Variants in TSHZ3 observed in about 807,000 individuals in gnomAD.
The protein encoded by TSHZ3 is teashirt zinc finger homeobox 3, also known as teashirt homolog 3.
TSHZ3 carries 10 observed loss-of-function variants against 64.5 expected under a neutral mutation model. The observed-to-expected ratio is 0.16, with a 90% CI of 0.10 to 0.26. The LOEUF (loss-of-function observed/expected upper bound fraction) is 0.26. TSHZ3 is among the 10% of genes least tolerant of loss of function. TSHZ3 has a pLI of 1.00. For missense variants in TSHZ3, 1,242 were observed against 1,421.7 expected (o/e 0.87, Z 2.03); for synonymous variants, 608 against 593.1 (o/e 1.03, Z -0.36).
At chr19:31,335,622 C>T (rs1371959679) in intron 1 of TSHZ3, among the ~76,000 whole-genome samples, 1 of 152,206 alleles carries the variant, frequency 6.6e-6, no homozygotes, top group Non-Finnish European at 1.5e-5. Flanking sequence ...AAGGAGATTC[C>T]GGCTCAAGAA....
intron 6 of TSHZ3, among the ~76,000 whole-genome samples, chr19:31,153,694 C>T (rs1217918600): frequency 1.3e-5 from 2 of 152,122 alleles, no homozygotes; most frequent in Admixed American, 6.6e-5. Context: ...TATGGTAATG[C>T]GGGCCTAAAA....
chr19:31,345,409 G>C (rs561530546), intron 1 of TSHZ3, among the ~76,000 whole-genome samples: 1 of 152,200 alleles, frequency 6.6e-6, no homozygotes, highest in Non-Finnish European at 1.5e-5. Flanking sequence ...GACTTAGGAA[G>C]GTGTCATCTG....
chr19:31,323,098 A>G (rs1024877382), intron 1 of TSHZ3, among the ~76,000 whole-genome samples: 4 of 152,344 alleles, frequency 2.6e-5, no homozygotes, highest in Admixed American at 2.0e-4. Flanking sequence ...ACATTGGGTC[A>G]AGAGCATTTC....
At chr19:31,218,791 G>A (rs1975364202) in intron 4 of TSHZ3, among the ~76,000 whole-genome samples, 1 of 152,176 alleles carries the variant, frequency 6.6e-6, no homozygotes, top group Non-Finnish European at 1.5e-5. Flanking sequence ...TTGGGGTGGG[G>A]GAAGCCAGTG....
At chr19:31,322,787 A>G (rs1372778667) in intron 1 of TSHZ3, among the ~76,000 whole-genome samples, 1 of 152,232 alleles carries the variant, frequency 6.6e-6, no homozygotes, top group East Asian at 1.9e-4. Context: ...TAAAGGAATG[A>G]GTGAATGAAT....
intron 5 of TSHZ3, among the ~76,000 whole-genome samples, chr19:31,203,758 C>T (rs1444121358): frequency 6.6e-6 from 1 of 151,862 alleles, no homozygotes; most frequent in Non-Finnish European, 1.5e-5. Flanking sequence ...TTCCTTCTGC[C>T]CTTCCTTCCT....
At chr19:31,251,612 G>A (rs572537955) in intron 1 of TSHZ3, among the ~76,000 whole-genome samples, 2 of 152,234 alleles carry the variant, frequency 1.3e-5, no homozygotes, top group South Asian at 2.1e-4. Flanking sequence ...CTCTCCCCAC[G>A]CCTCCCAACC....
intron 1 of TSHZ3, among the ~76,000 whole-genome samples, chr19:31,338,011 C>A (rs1394647586): frequency 6.6e-6 from 1 of 152,176 alleles, no homozygotes; most frequent in Non-Finnish European, 1.5e-5. Context: ...CATTAGCAAC[C>A]CCAAATAAAG....
At chr19:31,169,193 A>G (rs1487024288) in intron 5 of TSHZ3, among the ~76,000 whole-genome samples, 1 of 152,164 alleles carries the variant, frequency 6.6e-6, no homozygotes, top group Non-Finnish European at 1.5e-5. Flanking sequence ...GTGGGAATGT[A>G]AAATAGTGCA....
intron 1 of TSHZ3, among the ~76,000 whole-genome samples, chr19:31,295,047 C>G (rs1976639893): frequency 6.6e-6 from 1 of 152,190 alleles, no homozygotes; most frequent in Admixed American, 6.5e-5. Context: ...AAAAACCCCT[C>G]TATGATTAAG....
At chr19:31,215,294 AAATGAATTT>A (rs1975311662) in intron 4 of TSHZ3, among the ~76,000 whole-genome samples, 1 of 152,230 alleles carries the variant, frequency 6.6e-6, no homozygotes, top group African/African-American at 2.4e-5. Context: ...TAAATCACAC[AAATGAATTT>A]AATGAAAACA....
intron 1 of TSHZ3, among the ~76,000 whole-genome samples, chr19:31,246,887 G>A (rs2145188433): frequency 1.3e-5 from 2 of 152,020 alleles, no homozygotes; most frequent in Middle Eastern, 6.8e-3. Context: ...GAATAACAGG[G>A]ACATATCAAA....
rs187949884 is a variant in TSHZ3, at chr19:31,218,472, C to A, written n.686+9533G>T. 2.4e-3 allele frequency among the ~76,000 whole-genome samples: 364 copies of A among 152,278 alleles called. 8 individuals are homozygous for A. Among genetic ancestry groups the A allele is most frequent in the Admixed American group, 0.022 (341 of 15,290 alleles). Reference sequence around the variant, plus strand: ...TTGGTAGAAATGCAAAATGGAACAGCCACTTTGGAAGACAATTTGGGGGTT... The same window carrying A: ...TTGGTAGAAATGCAAAATGGAACAGACACTTTGGAAGACAATTTGGGGGTT... On this transcript the variant is annotated intron_variant and non_coding_transcript_variant, in intron 4 of 6. Transcript: ENST00000651361.
upstream of TSHZ3, among the ~76,000 whole-genome samples, chr19:31,349,813 G>T (rs1437337135): frequency 6.7e-6 from 1 of 148,354 alleles, no homozygotes; most frequent in African/African-American, 2.5e-5. Flanking sequence ...TCTTCTGCCC[G>T]TGGCGCGGCT....
chr19:31,280,519 C>A (rs536961572), intron 1 of TSHZ3, among the ~76,000 whole-genome samples: 9 of 152,212 alleles, frequency 5.9e-5, no homozygotes, highest in African/African-American at 1.9e-4. Context: ...CCTGTGCACA[C>A]ACACTCTCCA....
At chr19:31,336,718 G>A (rs541723103) in intron 1 of TSHZ3, among the ~76,000 whole-genome samples, 28 of 152,180 alleles carry the variant, frequency 1.8e-4, no homozygotes, top group African/African-American at 4.1e-4. Flanking sequence ...GAACAGATGC[G>A]GGGCACCAGT....
At chr19:31,294,288 A>T (rs1210298236) in intron 1 of TSHZ3, among the ~76,000 whole-genome samples, 1 of 152,098 alleles carries the variant, frequency 6.6e-6, no homozygotes, top group Non-Finnish European at 1.5e-5. Context: ...GCGAATTCTC[A>T]TCCAGGACTC....
intron 1 of TSHZ3, among the ~76,000 whole-genome samples, chr19:31,291,367 C>T (rs1199179636): frequency 2.0e-5 from 3 of 152,180 alleles, no homozygotes; most frequent in Non-Finnish European, 2.9e-5. Context: ...ATTGTACCAC[C>T]GTCTAGCAGC....
intron 3 of TSHZ3, among the ~76,000 whole-genome samples, chr19:31,241,727 A>T (rs1975692343): frequency 6.6e-6 from 1 of 152,186 alleles, no homozygotes; most frequent in Admixed American, 6.5e-5. Flanking sequence ...CTCTGCTGTG[A>T]TTGTGCTACT....
Sources: allele counts gnomAD v4.1 joint callset (sites outside exome capture counted in the v4.1 genomes callset), GRCh38; gene constraint gnomAD v4.1.1; transcripts MANE v1.5; gene names NCBI Gene and HGNC (gene_info 2026-07-23, HGNC 2026-07-21).